BNIP2: variants seen among roughly 807,000 people sequenced by gnomAD.
The protein encoded by BNIP2 is BCL2/adenovirus E1B 19 kDa protein-interacting protein 2.
BNIP2 carries 36 observed loss-of-function variants against 43.4 expected under a neutral mutation model. The ratio of observed to expected loss-of-function variants is 0.83; its 90% CI spans 0.64 to 1.10. BNIP2 has a LOEUF of 1.10. Among genes scored for constraint, BNIP2 ranks in the 50% least tolerant of loss-of-function variants. The pLI, the probability that BNIP2 is intolerant of heterozygous loss-of-function variation, is 0.00. For missense variants in BNIP2, 417 were observed against 374.1 expected (o/e 1.11, Z -0.95); for synonymous variants, 146 against 121.0 (o/e 1.21, Z -1.35).
Position 59,672,585 on chromosome 15 carries a change from A to C in BNIP2, c.575+52T>G, listed in dbSNP as rs1238652487. The C allele has an allele frequency of 9.6e-6, 13 of 1,356,086 alleles. No homozygotes were observed. In the Admixed American group the frequency reaches 2.3e-4, roughly 24 times the overall value. The allele number at this position is 1,356,086 out of a possible 1,614,324, so 84.0% of individuals were successfully genotyped here. A position where few individuals can be genotyped will look rare whatever the true frequency, so the allele number is the denominator to read the frequency against. ...AAAGGTTAAGTTTCTTAAGGTGTAGATCTAATTAGCTCACAATTCTGTCCA... is the reference window on the plus strand; with the variant it reads ...AAAGGTTAAGTTTCTTAAGGTGTAGCTCTAATTAGCTCACAATTCTGTCCA... On this transcript the variant is annotated intron_variant, in intron 6 of 9. Coordinates refer to ENST00000607373, the MANE Select transcript of BNIP2 (RefSeq NM_004330.4).
intron 2 of BNIP2, among the ~76,000 whole-genome samples, chr15:59,681,437 G>T: frequency 6.6e-6 from 1 of 150,418 alleles, no homozygotes; most frequent in East Asian, 2.0e-4. Context: ...TTTGGTGGGG[G>T]GGAACCCACA....
Position 59,675,379 on chromosome 15 carries a change from G to A in BNIP2, c.472+2532C>T, listed in dbSNP as rs375536281. ...TAATCCCAGCACTTCAGGAGGCTGG[G>A]GTGAGCAAATCACGAGGTCAGGTGA... On this transcript the variant is annotated intron_variant, in intron 5 of 9. Coordinates refer to ENST00000607373, the MANE Select transcript of BNIP2 (RefSeq NM_004330.4). Among the ~76,000 whole-genome samples, 8 of 152,138 alleles carry A rather than the reference G, an allele frequency of 5.3e-5. No individual in the cohort carries two copies. The South Asian group carries it at 1.0e-3, about 20-fold the overall frequency.
chr15:59,672,300 G>C, intron 6 of BNIP2: 1 of 178,462 alleles, frequency 5.6e-6, no homozygotes, highest in African/African-American at 2.3e-5. Context: ...CTGAGACAGG[G>C]TCTTACTCTG....
chr15:59,679,628 T>A lies in BNIP2; in HGVS notation c.259A>T (p.Thr87Ser), dbSNP rs116737762. ...AACTCATTACTATTCTCTGACGGTGTGTCTAAGCCATCTAAGTCAATCTCC... is the reference window on the plus strand; with the variant it reads ...AACTCATTACTATTCTCTGACGGTGAGTCTAAGCCATCTAAGTCAATCTCC... ...SGEIDLDGLD[T>S]PSENSNEFEW... Residue 87 changes from threonine to serine, a missense_variant, in exon 4 of 10, where the codon ACA (threonine) becomes TCA (serine). By Grantham distance (58) the Thr-to-Ser change is moderately conservative. Transcript: ENST00000607373. 1.2e-4 allele frequency: 198 copies of A among 1,613,288 alleles called. 1 individual carries two copies. The African/African-American group carries it at 2.5e-3, about 20-fold the overall frequency.
At chr15:59,677,088 A>G (rs1309229087) in intron 5 of BNIP2, 1 of 1,609,962 alleles carries the variant, frequency 6.2e-7, no homozygotes, top group Non-Finnish European at 8.5e-7. Flanking sequence ...AGAAAGCACT[A>G]CCTTCATAGA....
At chr15:59,677,460 A>G (rs1893377937) in intron 5 of BNIP2, 2 of 1,420,006 alleles carry the variant, frequency 1.4e-6, no homozygotes, top group Non-Finnish European at 1.9e-6. Flanking sequence ...TCAGAGCCAT[A>G]GAGCAGGTGA....
rs1230235181 is a variant in BNIP2 at position 59,662,082 on chromosome 15, T to C, written c.*1987A>G. The C allele has an allele frequency of 6.6e-6, 1 of 152,142 alleles. No individual in the cohort carries two copies. The highest frequency in any genetic ancestry group is 1.5e-5 in the Non-Finnish European group (1 of 68,012). The allele number at this position is 152,142 out of a possible 1,614,324, so 9.4% of individuals were successfully genotyped here. ...ACAGTTAGGAGCAATGACTGCAAAA[T>C]CAAAAATCAAAATAATGCAAAAAAG... On this transcript the variant is annotated 3_prime_UTR_variant, in exon 10 of 10. Coordinates refer to ENST00000607373, the MANE Select transcript of BNIP2 (RefSeq NM_004330.4).
rs28374849 is a variant in BNIP2 at position 59,674,533 on chromosome 15, T to G, written c.473-1794A>C. On this transcript the variant is annotated intron_variant, in intron 5 of 9. Transcript: ENST00000607373. ...GCCATTTTCTTCATCTGAGTACGAT[T>G]AAATTAGGCAGAAGAATGCAACTAC... Among the ~76,000 whole-genome samples, 808 of 152,322 alleles carry G rather than the reference T, an allele frequency of 5.3e-3. 3 individuals are homozygous for G. The highest frequency in any genetic ancestry group is 0.017 in the Middle Eastern group (5 of 294).
intron 2 of BNIP2, among the ~76,000 whole-genome samples, chr15:59,681,470 A>C (rs1270471096): frequency 7.3e-6 from 1 of 136,698 alleles, no homozygotes; most frequent in African/African-American, 2.8e-5. Flanking sequence ...TTTTTTTGAG[A>C]TAGAGCCTTG....
At position 59,672,671 on chromosome 15, in the gene BNIP2, GCTGA is replaced by G; in HGVS notation, c.537_540del (p.Gln180LeufsTer6). ...TTGTCCATCAGGTATCTATAGTTAG[GCTGA>G]CTACTTTCAGGCATGAAACAGACAG... is the stretch of plus-strand genomic sequence containing the variant. On this transcript the variant is annotated frameshift_variant, in exon 6 of 10. Coordinates refer to ENST00000607373, the MANE Select transcript of BNIP2 (RefSeq NM_004330.4). LOFTEE classifies it high-confidence loss of function. The G allele has an allele frequency of 6.2e-7, 1 of 1,613,472 alleles. No individual in the cohort carries two copies. The highest frequency in any genetic ancestry group is 8.5e-7 in the Non-Finnish European group (1 of 1,179,652).
chr15:59,674,112 A>AAC (rs1382030781), intron 5 of BNIP2, among the ~76,000 whole-genome samples: 2 of 151,464 alleles, frequency 1.3e-5, no homozygotes, highest in East Asian at 1.9e-4. Context: ...AAAAACAAAA[A>AAC]CAAAAAAACA....
At chr15:59,684,067 G>C (rs770156158) in intron 1 of BNIP2, among the ~76,000 whole-genome samples, 1 of 152,268 alleles carries the variant, frequency 6.6e-6, no homozygotes, top group East Asian at 1.9e-4. Context: ...CTTATGTTCC[G>C]TAATGACAAA....
intron 1 of BNIP2, 76 bp from the exon 2 acceptor site, chr15:59,682,590 T>C (rs1271633733): frequency 1.1e-5 from 12 of 1,105,758 alleles, no homozygotes; most frequent in Non-Finnish European, 1.3e-6. Context: ...TAATCTTATA[T>C]ATTAGTTCAT....
chr15:59,673,590 T>C (rs1301939108), intron 5 of BNIP2, among the ~76,000 whole-genome samples: 2 of 152,132 alleles, frequency 1.3e-5, no homozygotes, highest in Non-Finnish European at 2.9e-5. Context: ...CATGCCTGGT[T>C]AACCTTTATA....
intron 5 of BNIP2, among the ~76,000 whole-genome samples, chr15:59,673,021 G>A (rs1439309884): frequency 2.0e-5 from 3 of 151,912 alleles, no homozygotes; most frequent in African/African-American, 7.3e-5. Context: ...ATTTTAGCAG[G>A]TAGACAAATA....
In BNIP2 at chr15:59,660,480, C is replaced by T. The variant is rs1196703947; in HGVS notation, c.*3589G>A. 6.6e-6 allele frequency: 1 copy of T among 152,192 alleles called. No individual in the cohort carries two copies. Among genetic ancestry groups the T allele is most frequent in the African/African-American group, 2.4e-5 (1 of 41,430 alleles). The allele number at this position is 152,192 out of a possible 1,614,324, so 9.4% of individuals were successfully genotyped here. On this transcript the variant is annotated 3_prime_UTR_variant, in exon 10 of 10. Transcript: ENST00000607373. ...AATCTCATCAGGAAACTGGCCTGTT[C>T]TATCTGATATGTCCTAATGCTAATT...
At chr15:59,681,598 G>A (rs897814358) in intron 2 of BNIP2, among the ~76,000 whole-genome samples, 4 of 151,940 alleles carry the variant, frequency 2.6e-5, no homozygotes, top group Non-Finnish European at 4.4e-5. Flanking sequence ...ACAGGCGAGC[G>A]CCAAGCCTGG....
intron 8 of BNIP2, 40 bp from the exon 9 acceptor site, chr15:59,669,030 A>G: frequency 6.6e-7 from 1 of 1,511,820 alleles, no homozygotes; most frequent in South Asian, 1.1e-5. Flanking sequence ...CATATTTCTG[A>G]CAAATACAAT....
intron 7 of BNIP2, among the ~76,000 whole-genome samples, chr15:59,670,877 C>T (rs879761289): frequency 1.3e-5 from 2 of 151,964 alleles, no homozygotes; most frequent in Non-Finnish European, 2.9e-5. Flanking sequence ...AGTTCGAGAC[C>T]AGCCTGACCA....
Sources: gnomAD v4.1 joint callset for allele counts (sites outside exome capture counted in the v4.1 genomes callset) on GRCh38, gnomAD v4.1.1 for gene constraint, MANE v1.5 for transcripts, NCBI Gene and HGNC (gene_info 2026-07-23, HGNC 2026-07-21) for gene names.